Variants in DCDC2 observed in about 807,000 individuals in gnomAD.
The protein encoded by DCDC2 is doublecortin domain-containing protein 2.
In DCDC2, 40 loss-of-function variants were observed where a neutral mutation model predicts 50.2. That is an observed-to-expected ratio of 0.80 (90% CI 0.62 to 1.04). The LOEUF is 1.04. Among genes scored for constraint, DCDC2 ranks in the 50% least tolerant of loss-of-function variants. The pLI, the probability that DCDC2 is intolerant of heterozygous loss-of-function variation, is 0.00. For missense variants in DCDC2, 570 were observed against 581.9 expected (o/e 0.98, Z 0.21); for synonymous variants, 234 against 210.6 (o/e 1.11, Z -0.96).
At chr6:24,331,128 A>G (rs538134103) in intron 2 of DCDC2, among the ~76,000 whole-genome samples, 1 of 152,246 alleles carries the variant, frequency 6.6e-6, no homozygotes, top group East Asian at 1.9e-4. Flanking sequence ...CTTCTATAAA[A>G]TCTTTCCTAT....
upstream of DCDC2, among the ~76,000 whole-genome samples, chr6:24,360,378 T>C (rs776567228): frequency 1.4e-4 from 22 of 152,126 alleles, no homozygotes; most frequent in Non-Finnish European, 2.8e-4. Context: ...GCCACGGCGG[T>C]GAAAAGGAAA....
intron 2 of DCDC2, among the ~76,000 whole-genome samples, chr6:24,345,760 G>A (rs1299613812): frequency 6.6e-6 from 1 of 152,160 alleles, no homozygotes; most frequent in Non-Finnish European, 1.5e-5. Context: ...TTTCTCTTGT[G>A]ACTGGTTATT....
intron 2 of DCDC2, among the ~76,000 whole-genome samples, chr6:24,334,279 C>T (rs1760018372): frequency 6.6e-6 from 1 of 152,184 alleles, no homozygotes; most frequent in Non-Finnish European, 1.5e-5. Flanking sequence ...AAATGCTGGA[C>T]ACAATATGTT....
At chr6:24,297,354 TTGGGTACTAGGCTTAGTACC>T (rs1347164525) in intron 4 of DCDC2, among the ~76,000 whole-genome samples, 1 of 152,096 alleles carries the variant, frequency 6.6e-6, no homozygotes, top group Non-Finnish European at 1.5e-5. Context: ...AAAGTAACTA[TTGGGTACTAGGCTTAGTACC>T]TGGGTGACAA....
chr6:24,364,467 T>G, the DCDC2 span, among the ~76,000 whole-genome samples: 2 of 152,190 alleles, frequency 1.3e-5, no homozygotes, highest in Non-Finnish European at 1.5e-5. Context: ...TATAATTATA[T>G]GTTTAATTGT....
chr6:24,287,997 T>G (rs916647170), intron 6 of DCDC2, among the ~76,000 whole-genome samples: 1 of 152,252 alleles, frequency 6.6e-6, no homozygotes, highest in African/African-American at 2.4e-5. Flanking sequence ...GCACTACTTA[T>G]GTACACAAAA....
intron 9 of DCDC2, among the ~76,000 whole-genome samples, chr6:24,176,868 C>A (rs921831182): frequency 1.3e-5 from 2 of 152,172 alleles, no homozygotes; most frequent in African/African-American, 4.8e-5. Flanking sequence ...TGGTATGTGT[C>A]TTTCTTTGGT....
intron 7 of DCDC2, among the ~76,000 whole-genome samples, chr6:24,219,129 T>A (rs1762043773): frequency 6.6e-6 from 1 of 152,236 alleles, no homozygotes; most frequent in East Asian, 1.9e-4. Flanking sequence ...TTATATTTTA[T>A]ATACTTCCAG....
intron 7 of DCDC2, among the ~76,000 whole-genome samples, chr6:24,272,228 A>G (rs1763253862): frequency 6.6e-6 from 1 of 152,242 alleles, no homozygotes; most frequent in Admixed American, 6.5e-5. Flanking sequence ...ACTTTTATTA[A>G]TAGAGTTTAA....
chr6:24,240,050 G>A (rs1346759811), intron 7 of DCDC2, among the ~76,000 whole-genome samples: 2 of 152,144 alleles, frequency 1.3e-5, no homozygotes, highest in South Asian at 2.1e-4. Flanking sequence ...AGCCAACAAG[G>A]AGGCAGGCAA....
chr6:24,362,565 A>C (rs9358764), upstream of DCDC2, among the ~76,000 whole-genome samples: 34 of 151,122 alleles, frequency 2.2e-4, 1 homozygote, highest in African/African-American at 8.0e-4. Flanking sequence ...TATATTTATA[A>C]AATTACTTTT....
At chr6:24,185,285 C>A (rs1252751658) in intron 8 of DCDC2, among the ~76,000 whole-genome samples, 2 of 152,248 alleles carry the variant, frequency 1.3e-5, no homozygotes, top group East Asian at 3.9e-4. Flanking sequence ...CAGTATTATG[C>A]TTTCATCCCA....
rs1761608280 is a variant in DCDC2, at chr6:24,202,378, A to C, written c.1023+2624T>G. Among the ~76,000 whole-genome samples, 3 of 152,350 alleles carry C rather than the reference A, an allele frequency of 2.0e-5. No individual in the cohort carries two copies. The East Asian group carries it at 5.8e-4, about 29-fold the overall frequency. On this transcript the variant is annotated intron_variant, in intron 8 of 9. Transcript: ENST00000378454. The stretch of plus-strand genomic sequence containing the variant: ...ATCACATAAACAGAACCAATGACAA[A>C]AACCACATGATTATCTCAATAGATG...
At chr6:24,200,275 C>A (rs1020440525) in intron 8 of DCDC2, among the ~76,000 whole-genome samples, 1 of 152,154 alleles carries the variant, frequency 6.6e-6, no homozygotes, top group East Asian at 1.9e-4. Context: ...GTGGGGTGAT[C>A]CACAACGGGA....
chr6:24,366,081 G>T, the DCDC2 span, among the ~76,000 whole-genome samples: 1 of 152,156 alleles, frequency 6.6e-6, no homozygotes, highest in Non-Finnish European at 1.5e-5. Context: ...GCCTCCCAAA[G>T]TGCTTGGATT....
At chr6:24,283,036 T>C (rs574369329) in intron 6 of DCDC2, among the ~76,000 whole-genome samples, 83 of 152,336 alleles carry the variant, frequency 5.4e-4, no homozygotes, top group African/African-American at 1.8e-3. Flanking sequence ...GACCATAAGA[T>C]GTATAAGCCA....
At chr6:24,332,954 T>C (rs1759992111) in intron 2 of DCDC2, among the ~76,000 whole-genome samples, 1 of 152,150 alleles carries the variant, frequency 6.6e-6, no homozygotes, top group South Asian at 2.1e-4. Flanking sequence ...AAGGTAAAAT[T>C]CAGCTGTAGC....
intron 7 of DCDC2, among the ~76,000 whole-genome samples, chr6:24,206,945 C>A: frequency 6.6e-6 from 1 of 151,690 alleles, no homozygotes; most frequent in African/African-American, 2.4e-5. Context: ...CAGCACAGAG[C>A]AAGAAATGAA....
intron 2 of DCDC2, among the ~76,000 whole-genome samples, chr6:24,306,277 CTT>C (rs1464727657): frequency 6.6e-6 from 1 of 152,076 alleles, no homozygotes; most frequent in Non-Finnish European, 1.5e-5. Flanking sequence ...TGTACTTTGA[CTT>C]TGTCATTTGG....
Sources: allele counts gnomAD v4.1 joint callset (sites outside exome capture counted in the v4.1 genomes callset), GRCh38; gene constraint gnomAD v4.1.1; transcripts MANE v1.5; gene names NCBI Gene and HGNC (gene_info 2026-07-23, HGNC 2026-07-21).